The following KIF5C variants were observed in gnomAD, a reference collection of about 807,000 sequenced individuals.
KIF5C encodes the protein kinesin heavy chain isoform 5C.
A neutral mutation model predicts 125.2 loss-of-function variants in KIF5C; 18 were observed. The observed-to-expected ratio is 0.14, with a 90% CI of 0.10 to 0.21. The LOEUF is 0.21. Among genes scored for constraint, KIF5C ranks in the 10% least tolerant of loss-of-function variants. KIF5C has a pLI of 1.00. For missense variants in KIF5C, 780 were observed against 1,183.8 expected, an observed-to-expected ratio of 0.66 and a Z score of 5.01; for synonymous variants, 405 against 434.0, an observed-to-expected ratio of 0.93 and a Z score of 0.83.
Position 148,875,573 on chromosome 2 carries a change from C to CCGCCCCCCCCCCCTCCCCCT in KIF5C, c.-45_-44insCGCCCCCCCCCCCTCCCCCT. On this transcript the variant is annotated 5_prime_UTR_variant, in exon 1 of 26. Transcript: ENST00000435030. ...CCTCCTCCCTCGTCGTTCCCGGCCC[C>CCGCCCCCCCCCCCTCCCCCT]GGCCCCCCACCCATCCCCGTGCCCC... The CCGCCCCCCCCCCCTCCCCCT allele has an allele frequency of 2.8e-6, 2 of 723,618 alleles. No individual in the cohort carries two copies. 44.8% of individuals were successfully genotyped at this position (723,618 alleles called of 1,614,324 possible).
chr2:148,875,594 G>GCCCCCCCCCCC lies in KIF5C; in HGVS notation c.-19_-18insCCCCCCCCCCC. ...GCCCCGGCCCCCCACCCATCCCCGTGCCCCCTCCCTACCGCCGGCCGAGAT... is the reference window on the plus strand; with the variant it reads ...GCCCCGGCCCCCCACCCATCCCCGTGCCCCCCCCCCCCCCCCTCCCTACCGCCGGCCGAGAT... On this transcript the variant is annotated 5_prime_UTR_variant, in exon 1 of 26. Transcript: ENST00000435030. 1 of 550,750 alleles carries GCCCCCCCCCCC rather than the reference G, an allele frequency of 1.8e-6. No homozygotes were observed. The highest frequency in any genetic ancestry group is 3.3e-6 in the Non-Finnish European group (1 of 307,514). The allele number at this position is 550,750 out of a possible 1,614,324, so 34.1% of individuals were successfully genotyped here.
At chr2:148,946,046 A>G (rs575178674) in intron 7 of KIF5C, among the ~76,000 whole-genome samples, 9 of 152,214 alleles carry the variant, frequency 5.9e-5, no homozygotes, top group African/African-American at 2.2e-4. Context: ...ATTCCTAAGT[A>G]GTTTATTCTT....
rs187333522 is a variant in KIF5C at position 148,964,633 on chromosome 2, G to A, written c.1117+2514G>A. Among the ~76,000 whole-genome samples, 95 of 152,296 alleles carry A rather than the reference G, an allele frequency of 6.2e-4. 3 individuals carry two copies. Among genetic ancestry groups the A allele is most frequent in the Admixed American group, 5.4e-3 (82 of 15,300 alleles). ...GGCCCTGACCTTGACTGAGAAGCCA[G>A]TGAAGGGTTCCTTGAATATGCAATG... On this transcript the variant is annotated intron_variant, in intron 11 of 25. Coordinates refer to ENST00000435030, the MANE Select transcript of KIF5C (RefSeq NM_004522.3).
At chr2:148,903,409 C>A (rs951763385) in intron 1 of KIF5C, among the ~76,000 whole-genome samples, 1 of 152,288 alleles carries the variant, frequency 6.6e-6, no homozygotes, top group Middle Eastern at 3.4e-3. Flanking sequence ...CTCAGCTAAA[C>A]GCCTTTGCTT....
intron 7 of KIF5C, 93 bp downstream of exon 7, chr2:148,942,853 A>G: frequency 6.5e-7 from 1 of 1,545,138 alleles, no homozygotes; most frequent in Non-Finnish European, 8.8e-7. Flanking sequence ...TACAAATGAA[A>G]GAATGCATGG....
intron 8 of KIF5C, among the ~76,000 whole-genome samples, chr2:148,948,113 C>T (rs534061463): frequency 1.3e-5 from 2 of 151,442 alleles, no homozygotes; most frequent in African/African-American, 2.4e-5. Flanking sequence ...TTTGGGAGGC[C>T]GAGGTGGGCG....
In KIF5C at chr2:148,922,180, C is replaced by T. The variant is rs749228157; in HGVS notation, c.170C>T (p.Thr57Met). Residue 57 changes from threonine to methionine, a missense_variant, in exon 2 of 26, where the codon ACG becomes ATG. By Grantham distance (81) the Thr-to-Met change is moderately conservative. Around this residue, in one of 2 missense-constraint regions of KIF5C, gnomAD observed 207 missense variants for 441.2 expected, o/e 0.47. Transcript: ENST00000435030. The part of the protein sequence containing the change: ...YVFDRVLPPN[T>M]TQEQVYNACA... ...TTCGACAGAGTGCTACCTCCCAACA[C>T]GACCCAAGAGCAGGTTTACAATGCA... 3.7e-6 allele frequency: 6 copies of T among 1,613,226 alleles called. No individual in the cohort carries two copies. The highest frequency in any genetic ancestry group is 1.3e-5 in the African/African-American group (1 of 74,902).
At chr2:148,982,763 T>G (rs1681270478) in intron 14 of KIF5C, among the ~76,000 whole-genome samples, 1 of 152,246 alleles carries the variant, frequency 6.6e-6, no homozygotes, top group African/African-American at 2.4e-5. Flanking sequence ...ACTTGCTTCT[T>G]AAAACAATGA....
At chr2:148,936,258 G>A (rs1170248810) in intron 3 of KIF5C, among the ~76,000 whole-genome samples, 1 of 152,198 alleles carries the variant, frequency 6.6e-6, no homozygotes, top group Non-Finnish European at 1.5e-5. Flanking sequence ...ACTGCAGCCT[G>A]GGCAACAGAG....
intron 15 of KIF5C, among the ~76,000 whole-genome samples, chr2:148,987,887 C>T (rs1681424288): frequency 6.6e-6 from 1 of 152,104 alleles, no homozygotes; most frequent in African/African-American, 2.4e-5. Flanking sequence ...CCTTACTTAC[C>T]TTGGGTGTGG....
At chr2:148,971,654 G>C (rs1040179241) in intron 11 of KIF5C, among the ~76,000 whole-genome samples, 1 of 152,182 alleles carries the variant, frequency 6.6e-6, no homozygotes, top group Non-Finnish European at 1.5e-5. Context: ...CAAGGTAATA[G>C]TTTATTCTAT....
At chr2:148,881,968 C>T (rs1393064452) in intron 1 of KIF5C, among the ~76,000 whole-genome samples, 1 of 152,148 alleles carries the variant, frequency 6.6e-6, no homozygotes, top group East Asian at 1.9e-4. Flanking sequence ...TCTCACCTTA[C>T]TTTCTTCCAG....
chr2:148,955,678 A>G (rs1682774589), intron 10 of KIF5C, among the ~76,000 whole-genome samples: 1 of 152,074 alleles, frequency 6.6e-6, no homozygotes, highest in South Asian at 2.1e-4. Flanking sequence ...ATCTGTCTTT[A>G]TCTTTCTCCT....
At chr2:148,921,630 C>T (rs1681789196) in intron 1 of KIF5C, among the ~76,000 whole-genome samples, 1 of 152,218 alleles carries the variant, frequency 6.6e-6, no homozygotes, top group Non-Finnish European at 1.5e-5. Context: ...TGTAAAGATA[C>T]ACTTAAGTGG....
At chr2:149,002,223 TC>T (rs1681871351) in intron 21 of KIF5C, among the ~76,000 whole-genome samples, 2 of 152,260 alleles carry the variant, frequency 1.3e-5, no homozygotes, top group South Asian at 4.1e-4. Context: ...ATCAGTGATA[TC>T]AATGAAATAT....
At chr2:148,938,223 G>C (rs547535189) in intron 4 of KIF5C, among the ~76,000 whole-genome samples, 2 of 152,260 alleles carry the variant, frequency 1.3e-5, no homozygotes, top group South Asian at 4.2e-4. Context: ...TTTTGTGGAG[G>C]ATGAAGTGTG....
At chr2:148,942,098 T>C in intron 6 of KIF5C, 108 bp downstream of exon 6, 1 of 1,243,072 alleles carries the variant, frequency 8.0e-7, no homozygotes, top group Non-Finnish European at 1.1e-6. Flanking sequence ...CATATAGGCA[T>C]TTATTCAGGC....
At chr2:148,918,492 G>C (rs986143674) in intron 1 of KIF5C, among the ~76,000 whole-genome samples, 1 of 152,232 alleles carries the variant, frequency 6.6e-6, no homozygotes, top group Non-Finnish European at 1.5e-5. Context: ...ATACCTGGGT[G>C]GGGTTGGGGC....
chr2:148,939,289 T>G (rs1007279407), intron 4 of KIF5C, among the ~76,000 whole-genome samples: 5 of 152,232 alleles, frequency 3.3e-5, no homozygotes, highest in Non-Finnish European at 5.9e-5. Flanking sequence ...TTTGCCCAAC[T>G]ATAAATTACA....
Sources: allele counts gnomAD v4.1 joint callset (sites outside exome capture counted in the v4.1 genomes callset), GRCh38; gene constraint gnomAD v4.1.1; regional missense constraint gnomAD v4.1.1; transcripts MANE v1.5; gene names NCBI Gene and HGNC (gene_info 2026-07-23, HGNC 2026-07-21).